Variants in HOPX observed in about 807,000 individuals in gnomAD.
HOPX encodes the protein HOP homeobox.
Under a neutral mutation model 11.8 loss-of-function variants are expected in HOPX, and 5 were observed. The ratio of observed to expected loss-of-function variants is 0.43; its 90% CI spans 0.22 to 0.89. The LOEUF is 0.89. Among genes scored for constraint, HOPX ranks in the 40% least tolerant of loss-of-function variants. The pLI is 0.28. For missense variants in HOPX, 119 were observed against 120.0 expected (o/e 0.99, Z 0.04); for synonymous variants, 49 against 49.7 (o/e 0.99, Z 0.06).
chr4:56,670,932 G>A (rs1160257734), intron 1 of HOPX, among the ~76,000 whole-genome samples: 2 of 151,836 alleles, frequency 1.3e-5, no homozygotes, highest in African/African-American at 2.4e-5. Flanking sequence ...GGGAGGCGGA[G>A]GTTGCAATGA....
chr4:56,666,212 C>T (rs1465798962), intron 1 of HOPX, among the ~76,000 whole-genome samples: 2 of 152,320 alleles, frequency 1.3e-5, no homozygotes, highest in East Asian at 3.9e-4. Context: ...ATGCAGACAT[C>T]ATTGAAAGAT....
At chr4:56,677,013 T>A (rs1719054486) in intron 1 of HOPX, among the ~76,000 whole-genome samples, 1 of 151,836 alleles carries the variant, frequency 6.6e-6, no homozygotes, top group Non-Finnish European at 1.5e-5. Flanking sequence ...ATGAGGCTCC[T>A]GGCCACTAAT....
intron 1 of HOPX, among the ~76,000 whole-genome samples, chr4:56,670,286 T>C (rs1718666128): frequency 6.6e-6 from 1 of 152,208 alleles, no homozygotes; most frequent in African/African-American, 2.4e-5. Flanking sequence ...GTCAAACAAA[T>C]TGTATTATCA....
At chr4:56,653,899 CT>C (rs568956871) in intron 3 of HOPX, among the ~76,000 whole-genome samples, 133 of 152,320 alleles carry the variant, frequency 8.7e-4, no homozygotes, top group African/African-American at 2.5e-3. Context: ...CTTCCTACCC[CT>C]AACCGGATTT....
intron 1 of HOPX, among the ~76,000 whole-genome samples, chr4:56,670,984 A>AG (rs1009119417): frequency 3.3e-5 from 5 of 152,046 alleles, no homozygotes; most frequent in African/African-American, 4.8e-5. Context: ...GTGAAAAAAA[A>AG]AAAAAATCAA....
chr4:56,678,918 G>C (rs1456420490), intron 1 of HOPX: 1 of 152,064 alleles, frequency 6.6e-6, no homozygotes, highest in Non-Finnish European at 1.5e-5. Flanking sequence ...TTTATGTTCA[G>C]CATGTTACAT....
chr4:56,656,118 C>T, intron 2 of HOPX, 106 bp from the exon 3 acceptor site: 1 of 1,277,042 alleles, frequency 7.8e-7, no homozygotes. Flanking sequence ...CCCCAGGCCG[C>T]CCCCTCCAGC....
In HOPX at chr4:56,655,516, A is replaced by G. The variant is rs1165976993; in HGVS notation, c.198+341T>C. Reference sequence around the variant, plus strand: ...CGGGAAGGCGAGACAGGGACAGGCGAGAGACGCTGCTCCCAACTCGCAGAG... The same window carrying G: ...CGGGAAGGCGAGACAGGGACAGGCGGGAGACGCTGCTCCCAACTCGCAGAG... On this transcript the variant is annotated intron_variant, in intron 3 of 3. Transcript: ENST00000420433. Among the ~76,000 whole-genome samples, 5 of 152,342 alleles carry G rather than the reference A, an allele frequency of 3.3e-5. No homozygotes were observed. The East Asian group carries it at 9.7e-4, about 29-fold the overall frequency.
At chr4:56,679,287 G>A (rs1350376687) in intron 1 of HOPX, 1 of 152,034 alleles carries the variant, frequency 6.6e-6, no homozygotes, top group Non-Finnish European at 1.5e-5. Context: ...TTGTTTGTTG[G>A]GAGTAATCAG....
intron 1 of HOPX, chr4:56,679,860 G>T (rs1218437976): frequency 6.6e-6 from 1 of 152,170 alleles, no homozygotes; most frequent in East Asian, 1.9e-4. Context: ...TTTTGTGCAT[G>T]GACATAACAT....
intron 1 of HOPX, chr4:56,665,731 C>T (rs1464214519): frequency 6.6e-6 from 1 of 152,108 alleles, no homozygotes; most frequent in African/African-American, 2.4e-5. Flanking sequence ...ACTATGTGTT[C>T]TTATTGTTTT....
intron 1 of HOPX, among the ~76,000 whole-genome samples, chr4:56,666,038 G>T (rs1409078063): frequency 1.3e-5 from 2 of 152,152 alleles, no homozygotes; most frequent in Non-Finnish European, 2.9e-5. Context: ...CTCCCTGTGG[G>T]TTGGGGCCAG....
intron 3 of HOPX, among the ~76,000 whole-genome samples, chr4:56,655,643 G>T (rs1250300009): frequency 6.6e-6 from 1 of 152,222 alleles, no homozygotes; most frequent in Non-Finnish European, 1.5e-5. Context: ...CTGGATGGGG[G>T]TGGCGGGGAG....
At position 56,655,843 on chromosome 4, in the gene HOPX, G is replaced by A. The variant is rs763819825; in HGVS notation, c.198+14C>T. 3 of 1,608,868 alleles carry A rather than the reference G, an allele frequency of 1.9e-6. No individual in the cohort carries two copies. The highest frequency in any genetic ancestry group is 2.5e-6 in the Non-Finnish European group (3 of 1,177,986). ...GCAGGGGTCGGGGCGCGCTGGGCGC[G>A]TGTGGGGACGCACCTGGGTCTCCTC... On this transcript the variant is annotated intron_variant, in intron 3 of 3. Transcript: ENST00000420433.
At chr4:56,671,018 T>C (rs1262633205) in intron 1 of HOPX, among the ~76,000 whole-genome samples, 1 of 151,596 alleles carries the variant, frequency 6.6e-6, no homozygotes, top group Admixed American at 6.6e-5. Context: ...ACACATACAA[T>C]GGAGAATCAA....
chr4:56,648,651 CT>C lies in HOPX; in HGVS notation c.*68del. 2.6e-6 allele frequency: 3 copies of C among 1,170,370 alleles called. No individual in the cohort carries two copies. The highest frequency in any genetic ancestry group is 2.5e-6 in the Non-Finnish European group (2 of 796,476). The allele number at this position is 1,170,370 out of a possible 1,614,324, so 72.5% of individuals were successfully genotyped here. ...ACACTATGCTGAAAAACCACAACAG[CT>C]TGGTTAAGCGGAGGAGAGAAACAGA... On this transcript the variant is annotated 3_prime_UTR_variant, in exon 4 of 4. Coordinates refer to ENST00000420433, the MANE Select transcript of HOPX (RefSeq NM_032495.6).
chr4:56,651,593 A>G (rs976827873), intron 3 of HOPX, among the ~76,000 whole-genome samples: 1 of 152,206 alleles, frequency 6.6e-6, no homozygotes, highest in Admixed American at 6.5e-5. Context: ...CTGAATAAAC[A>G]GATGATAATT....
chr4:56,676,211 T>A (rs956722290), intron 1 of HOPX, among the ~76,000 whole-genome samples: 1 of 151,470 alleles, frequency 6.6e-6, no homozygotes, highest in African/African-American at 2.5e-5. Context: ...GGTGGGAGGA[T>A]TGCTTGAGCC....
Position 56,676,772 on chromosome 4 carries a change from G to C in HOPX, c.-84+4483C>G, listed in dbSNP as rs572770231. Among the ~76,000 whole-genome samples, 77 of 151,742 alleles carry C rather than the reference G, an allele frequency of 5.1e-4. 2 individuals carry two copies. The highest frequency in any genetic ancestry group is 1.8e-3 in the African/African-American group (73 of 41,034). On this transcript the variant is annotated intron_variant, in intron 1 of 3. Transcript: ENST00000420433. ...CAATGTGTCCTCTGGCTGCAGGGCTGCTCTGGGCTCCGACTGCCTGCAGAC... is the reference window on the plus strand; with the variant it reads ...CAATGTGTCCTCTGGCTGCAGGGCTCCTCTGGGCTCCGACTGCCTGCAGAC...
Sources: allele counts gnomAD v4.1 joint callset (sites outside exome capture counted in the v4.1 genomes callset), GRCh38; gene constraint gnomAD v4.1.1; transcripts MANE v1.5; gene names NCBI Gene and HGNC (gene_info 2026-07-23, HGNC 2026-07-21).